Variants in CTTNBP2NL observed in about 807,000 individuals in gnomAD.
CTTNBP2NL encodes CTTNBP2 N-terminal-like protein.
CTTNBP2NL carries 16 observed loss-of-function variants against 32.5 expected under a neutral mutation model. That is an observed-to-expected ratio of 0.49 (90% CI 0.33 to 0.75). The LOEUF is 0.75. CTTNBP2NL is among the 30% of genes least tolerant of loss of function. The probability of loss-of-function intolerance (pLI) is 0.02; values close to 1 mark genes in which losing one functional copy is unlikely to be tolerated. For missense variants in CTTNBP2NL, 645 were observed against 756.0 expected (o/e 0.85, Z 1.72); for synonymous variants, 298 against 289.4 (o/e 1.03, Z -0.30).
At chr1:112,416,388 C>G (rs891297922) in intron 3 of CTTNBP2NL, 124 bp downstream of exon 3, 35 of 592,652 alleles carry the variant, frequency 5.9e-5, no homozygotes, top group Non-Finnish European at 9.6e-5. Flanking sequence ...CATACTGATA[C>G]TTGCCATAGG....
intron 3 of CTTNBP2NL, among the ~76,000 whole-genome samples, chr1:112,425,907 A>G (rs763777470): frequency 3.3e-4 from 50 of 151,246 alleles, no homozygotes; most frequent in Admixed American, 1.7e-3. Context: ...ACAGACAATT[A>G]TGTCTGCAAA....
rs531538676 is a variant in CTTNBP2NL at position 112,421,500 on chromosome 1, A to G, written c.99+5236A>G. On this transcript the variant is annotated intron_variant, in intron 3 of 5. Coordinates refer to ENST00000271277, the MANE Select transcript of CTTNBP2NL (RefSeq NM_018704.3). ...GTATTTTTAGTAGAGATGGGGTTTC[A>G]CCATGTTGGCCAGGCTGGTCTTGAA... is the stretch of plus-strand genomic sequence containing the variant. Among the ~76,000 whole-genome samples the G allele has an allele frequency of 4.2e-4, 62 of 149,228 alleles. 2 individuals are homozygous for G. In the South Asian group the frequency reaches 0.013, roughly 30 times the overall value.
In CTTNBP2NL at chr1:112,422,212, A is replaced by G. The variant is rs371492685; in HGVS notation, c.99+5948A>G. On this transcript the variant is annotated intron_variant, in intron 3 of 5. Transcript: ENST00000271277. ...TCAGAAATTATTTACATTTTCTGAA[A>G]TTTTATATAAGTGGAATCATATGGA... Among the ~76,000 whole-genome samples, 5 of 152,290 alleles carry G rather than the reference A, an allele frequency of 3.3e-5. No individual in the cohort carries two copies. The South Asian group carries it at 1.0e-3, about 32-fold the overall frequency.
At chr1:112,442,466 T>G (rs1005052425) in intron 3 of CTTNBP2NL, among the ~76,000 whole-genome samples, 2 of 152,230 alleles carry the variant, frequency 1.3e-5, no homozygotes, top group African/African-American at 2.4e-5. Flanking sequence ...ATCTGTTCAG[T>G]ACTTGTTGAA....
At chr1:112,440,363 G>T (rs1649861151) in intron 3 of CTTNBP2NL, among the ~76,000 whole-genome samples, 1 of 152,142 alleles carries the variant, frequency 6.6e-6, no homozygotes. Context: ...ATTTCTGTTA[G>T]AATTTGCATG....
At chr1:112,439,435 C>T (rs1317538107) in intron 3 of CTTNBP2NL, among the ~76,000 whole-genome samples, 1 of 152,182 alleles carries the variant, frequency 6.6e-6, no homozygotes, top group African/African-American at 2.4e-5. Context: ...ATTTAAGAAA[C>T]TTGCTTCAAA....
intron 3 of CTTNBP2NL, among the ~76,000 whole-genome samples, chr1:112,429,912 T>G (rs1649510445): frequency 6.6e-6 from 1 of 152,178 alleles, no homozygotes; most frequent in Admixed American, 6.5e-5. Flanking sequence ...TTAGCTTGGT[T>G]CTCTTGAGAA....
intron 2 of CTTNBP2NL, chr1:112,415,902 C>T (rs1000723942): frequency 3.0e-5 from 11 of 362,740 alleles, no homozygotes; most frequent in Non-Finnish European, 1.5e-5. Flanking sequence ...TGTTTGTAAA[C>T]GTGTCTGGAG....
Position 112,457,475 on chromosome 1 carries a change from C to A in CTTNBP2NL, c.*63C>A. ...GATTTCGTCCAAAAGCTCAGTCAGA[C>A]TTCTGAGTCAGATTATGTTATTTAT... On this transcript the variant is annotated 3_prime_UTR_variant, in exon 6 of 6. Coordinates refer to ENST00000271277, the MANE Select transcript of CTTNBP2NL (RefSeq NM_018704.3). 1 of 1,365,320 alleles carries A rather than the reference C, an allele frequency of 7.3e-7. No homozygotes were observed. Among genetic ancestry groups the A allele is most frequent in the Non-Finnish European group, 1.0e-6 (1 of 988,238 alleles). The allele number at this position is 1,365,320 out of a possible 1,614,324, so 84.6% of individuals were successfully genotyped here.
intron 3 of CTTNBP2NL, among the ~76,000 whole-genome samples, chr1:112,436,656 CTT>C (rs33985347): frequency 0.56 from 84,245 of 150,626 alleles, 24,648 homozygotes; most frequent in South Asian, 0.71. Context: ...CTTTAGTACA[CTT>C]TTTTTTTTTT....
intron 3 of CTTNBP2NL, among the ~76,000 whole-genome samples, chr1:112,433,179 C>T (rs1649619865): frequency 6.6e-6 from 1 of 152,298 alleles, no homozygotes; most frequent in Non-Finnish European, 1.5e-5. Flanking sequence ...ATTGAAATAG[C>T]ATTGTCTCTT....
At chr1:112,392,337 A>C (rs186185775), upstream of CTTNBP2NL, among the ~76,000 whole-genome samples, 557 of 152,354 alleles carry the variant, frequency 3.7e-3, 6 homozygotes, top group Admixed American at 0.03. Context: ...AAAAAATTGC[A>C]TAATGCTTAG....
At chr1:112,437,062 A>T (rs1437067062) in intron 3 of CTTNBP2NL, among the ~76,000 whole-genome samples, 1 of 152,044 alleles carries the variant, frequency 6.6e-6, no homozygotes, top group Non-Finnish European at 1.5e-5. Context: ...ACTTAGGTTG[A>T]TTGTGTCTTT....
At chr1:112,429,560 C>G (rs980197071) in intron 3 of CTTNBP2NL, among the ~76,000 whole-genome samples, 23 of 152,208 alleles carry the variant, frequency 1.5e-4, no homozygotes, top group Non-Finnish European at 1.2e-4. Context: ...AGAAATTTCA[C>G]TTCTAGAAAT....
chr1:112,445,702 A>G (rs1030649814), intron 3 of CTTNBP2NL, among the ~76,000 whole-genome samples: 1 of 152,254 alleles, frequency 6.6e-6, no homozygotes, highest in African/African-American at 2.4e-5. Context: ...GTACTACAGG[A>G]GAAAGCAGAC....
At chr1:112,423,367 T>C (rs2101008442) in intron 3 of CTTNBP2NL, among the ~76,000 whole-genome samples, 1 of 152,290 alleles carries the variant, frequency 6.6e-6, no homozygotes, top group Admixed American at 6.5e-5. Flanking sequence ...TTAAATGTTC[T>C]CACTACACAA....
chr1:112,431,610 C>T (rs978221751), intron 3 of CTTNBP2NL, among the ~76,000 whole-genome samples: 1 of 152,144 alleles, frequency 6.6e-6, no homozygotes, highest in African/African-American at 2.4e-5. Context: ...TTGTTTAATA[C>T]AGTATTGGAA....
At chr1:112,408,819 T>A (rs1461908409) in intron 1 of CTTNBP2NL, among the ~76,000 whole-genome samples, 1 of 152,100 alleles carries the variant, frequency 6.6e-6, no homozygotes. Context: ...TTGGCTTGGC[T>A]TATATGTATT....
At chr1:112,437,328 T>G (rs1299604610) in intron 3 of CTTNBP2NL, among the ~76,000 whole-genome samples, 1 of 152,218 alleles carries the variant, frequency 6.6e-6, no homozygotes, top group Non-Finnish European at 1.5e-5. Flanking sequence ...CCATTCTGAC[T>G]GGTATGAGAT....
Sources: gnomAD v4.1 joint callset for allele counts (sites outside exome capture counted in the v4.1 genomes callset) on GRCh38, gnomAD v4.1.1 for gene constraint, MANE v1.5 for transcripts, NCBI Gene and HGNC (gene_info 2026-07-23, HGNC 2026-07-21) for gene names.